The following ASAP1 variants were observed in gnomAD, a reference collection of about 807,000 sequenced individuals.
ASAP1 encodes ArfGAP with SH3 domain, ankyrin repeat and PH domain 1.
Under a neutral mutation model 145.2 loss-of-function variants are expected in ASAP1, and 43 were observed. That is an observed-to-expected ratio of 0.30 (90% CI 0.23 to 0.38). The LOEUF (loss-of-function observed/expected upper bound fraction) is 0.38. ASAP1 is among the 10% of genes least tolerant of loss of function. ASAP1 has a pLI of 1.00. For synonymous variants in ASAP1, 546 were observed against 515.5 expected (o/e 1.06, Z -0.80); for missense variants, 1,018 against 1,355.3 (o/e 0.75, Z 3.91).
chr8:130,326,140 G>A (rs1220892703), intron 3 of ASAP1, among the ~76,000 whole-genome samples: 1 of 152,162 alleles, frequency 6.6e-6, no homozygotes. Context: ...AAGGCTTTAA[G>A]GAGGAGGTGG....
At chr8:130,362,566 A>T (rs1004126512) in intron 2 of ASAP1, among the ~76,000 whole-genome samples, 1 of 152,232 alleles carries the variant, frequency 6.6e-6, no homozygotes, top group African/African-American at 2.4e-5. Context: ...TCTGTGAAAG[A>T]TGACTATAAA....
Position 130,061,318 on chromosome 8 carries a change from A to T in ASAP1, c.2702-249T>A, listed in dbSNP as rs1592713391. Among the ~76,000 whole-genome samples, 4 of 152,104 alleles carry T rather than the reference A, an allele frequency of 2.6e-5. No individual in the cohort carries two copies. In the South Asian group the frequency reaches 6.2e-4, roughly 24 times the overall value. ...AGGATGTCTACATTCATCCAGAATT[A>T]AAAAAAATAAATAGAAACAGATTGC... On this transcript the variant is annotated intron_variant, in intron 27 of 29. Coordinates refer to ENST00000518721, the MANE Select transcript of ASAP1 (RefSeq NM_018482.4).
At chr8:130,443,145 C>T (rs1371481496) in intron 1 of ASAP1, among the ~76,000 whole-genome samples, 1 of 152,054 alleles carries the variant, frequency 6.6e-6, no homozygotes, top group Non-Finnish European at 1.5e-5. Context: ...GACGCGAAAC[C>T]CCCCAGGGCG....
At chr8:130,244,432 C>T (rs2670886) in intron 3 of ASAP1, among the ~76,000 whole-genome samples, 134,512 of 152,176 alleles carry the variant, frequency 0.88, 59,551 homozygotes, top group East Asian at 0.96. Flanking sequence ...AAAATGACCA[C>T]GTGGGTACAA....
chr8:130,101,844 A>G (rs1263552027), intron 24 of ASAP1, among the ~76,000 whole-genome samples: 1 of 147,942 alleles, frequency 6.8e-6, no homozygotes, highest in African/African-American at 2.5e-5. Context: ...AAGTGCTGGG[A>G]TTACAGGCAT....
At position 130,431,761 on chromosome 8, in the gene ASAP1, C is replaced by T. The variant is rs377731752; in HGVS notation, c.-28+11699G>A. ...GGTTCCAGGATAGCAGAGTATGCAGCACAACAGCTGGCAAATGGTAGGCAC... is the reference window on the plus strand; with the variant it reads ...GGTTCCAGGATAGCAGAGTATGCAGTACAACAGCTGGCAAATGGTAGGCAC... On this transcript the variant is annotated intron_variant, in intron 1 of 29. Coordinates refer to ENST00000518721, the MANE Select transcript of ASAP1 (RefSeq NM_018482.4). 6.6e-4 allele frequency among the ~76,000 whole-genome samples: 99 copies of T among 150,930 alleles called. 1 individual carries two copies. Among genetic ancestry groups the T allele is most frequent in the African/African-American group, 2.3e-3 (93 of 40,976 alleles).
chr8:130,168,408 G>T, intron 10 of ASAP1, among the ~76,000 whole-genome samples: 1 of 152,266 alleles, frequency 6.6e-6, no homozygotes, highest in East Asian at 1.9e-4. Flanking sequence ...ACTTTGGGAG[G>T]CCAAGGCGGG....
chr8:130,354,804 A>T (rs1035703536), intron 3 of ASAP1, among the ~76,000 whole-genome samples: 4 of 152,166 alleles, frequency 2.6e-5, no homozygotes, highest in Admixed American at 1.3e-4. Flanking sequence ...GTGCCAGCCA[A>T]ACCGTGAACC....
intron 3 of ASAP1, among the ~76,000 whole-genome samples, chr8:130,284,842 TACACACACACACAC>T (rs34799517): frequency 7.1e-6 from 1 of 141,534 alleles, no homozygotes; most frequent in Non-Finnish European, 1.5e-5. Flanking sequence ...TTTTACACTC[TACACACACACACAC>T]ACACACACAC....
At chr8:130,120,669 G>A (rs1564983003) in intron 18 of ASAP1, among the ~76,000 whole-genome samples, 1 of 152,292 alleles carries the variant, frequency 6.6e-6, no homozygotes, top group East Asian at 1.9e-4. Context: ...TCATGCAGAT[G>A]CCACGCAATT....
At chr8:130,068,242 G>A (rs760163471) in intron 27 of ASAP1, among the ~76,000 whole-genome samples, 3 of 152,186 alleles carry the variant, frequency 2.0e-5, no homozygotes, top group Admixed American at 6.5e-5. Flanking sequence ...AAATAAAAGA[G>A]GGTGCTGGGT....
intron 3 of ASAP1, among the ~76,000 whole-genome samples, chr8:130,287,821 C>G (rs1821709372): frequency 6.6e-6 from 1 of 152,156 alleles, no homozygotes; most frequent in Non-Finnish European, 1.5e-5. Context: ...GTTTTGTCAC[C>G]TCTATACCCC....
At chr8:130,117,805 A>T (rs940150143) in intron 20 of ASAP1, among the ~76,000 whole-genome samples, 2 of 152,254 alleles carry the variant, frequency 1.3e-5, no homozygotes, top group African/African-American at 2.4e-5. Context: ...TCTGTGCAGC[A>T]GATTTTTGGA....
chr8:130,177,742 CAA>C (rs958383274), intron 9 of ASAP1, among the ~76,000 whole-genome samples: 3 of 152,080 alleles, frequency 2.0e-5, no homozygotes, highest in Non-Finnish European at 4.4e-5. Context: ...ATTTGATCAT[CAA>C]AAAGGTTTTC....
At chr8:130,057,670 G>C (rs921396722) in intron 29 of ASAP1, among the ~76,000 whole-genome samples, 1 of 152,094 alleles carries the variant, frequency 6.6e-6, no homozygotes, top group Non-Finnish European at 1.5e-5. Flanking sequence ...GGCTGGTCTC[G>C]AACTCCCGAC....
chr8:130,059,234 G>A (rs866119058), intron 28 of ASAP1, among the ~76,000 whole-genome samples: 14 of 151,310 alleles, frequency 9.3e-5, no homozygotes, highest in Admixed American at 9.2e-4. Context: ...GCATGATTAC[G>A]CTCACTGCAG....
At chr8:130,086,041 G>C (rs1023250486) in intron 25 of ASAP1, among the ~76,000 whole-genome samples, 5 of 152,240 alleles carry the variant, frequency 3.3e-5, no homozygotes, top group Non-Finnish European at 5.9e-5. Context: ...TGGATAAGGA[G>C]GCACAGCCAG....
rs145484118 is a variant in ASAP1 at position 130,219,131 on chromosome 8, G to A, written c.260-4430C>T. Among the ~76,000 whole-genome samples the A allele has an allele frequency of 1.6e-4, 24 of 150,932 alleles. No homozygotes were observed. In the East Asian group the frequency reaches 4.3e-3, roughly 27 times the overall value. On this transcript the variant is annotated intron_variant, in intron 4 of 29. Transcript: ENST00000518721. The stretch of plus-strand genomic sequence containing the variant: ...GCTACTGTTACCGCTATATATCCAT[G>A]ACTACTTACAATACAGAGCGATGTC...
intron 15 of ASAP1, among the ~76,000 whole-genome samples, chr8:130,131,342 A>T (rs1304363666): frequency 1.3e-5 from 2 of 152,166 alleles, no homozygotes; most frequent in African/African-American, 2.4e-5. Context: ...ATGCAGTGAA[A>T]CTGCCTCTAT....
Sources: gnomAD v4.1 joint callset for allele counts (sites outside exome capture counted in the v4.1 genomes callset) on GRCh38, gnomAD v4.1.1 for gene constraint, MANE v1.5 for transcripts, NCBI Gene and HGNC (gene_info 2026-07-23, HGNC 2026-07-21) for gene names.